The following ANXA4 variants were observed in gnomAD, a reference collection of about 807,000 sequenced individuals.
The protein encoded by ANXA4 is 35-beta calcimedin.
Under a neutral mutation model 49.8 loss-of-function variants are expected in ANXA4, and 39 were observed. The observed-to-expected ratio is 0.78, with a 90% CI of 0.61 to 1.02. The LOEUF is 1.02. Ranked by LOEUF, ANXA4 falls within the 50% of genes least tolerant of loss-of-function variation. The pLI is 0.00. For missense variants in ANXA4, 360 were observed against 410.1 expected, an observed-to-expected ratio of 0.88 and a Z score of 1.05; for synonymous variants, 134 against 152.5, an observed-to-expected ratio of 0.88 and a Z score of 0.89.
exon 3 of ANXA4, chr2:69,720,846 A>G (rs890974774): frequency 1.3e-5 from 2 of 152,214 alleles, no homozygotes; most frequent in Non-Finnish European, 2.9e-5. Context: ...GATATCTGGT[A>G]TGGCCAGAGT....
chr2:69,655,083 A>G (rs1359059334), intron 2 of ANXA4, among the ~76,000 whole-genome samples: 2 of 152,204 alleles, frequency 1.3e-5, no homozygotes, highest in East Asian at 3.8e-4. Flanking sequence ...CCTAGAAGAA[A>G]ACCTACGCAA....
chr2:69,782,743 T>G (rs963204365), intron 2 of ANXA4, among the ~76,000 whole-genome samples: 1 of 152,222 alleles, frequency 6.6e-6, no homozygotes, highest in Non-Finnish European at 1.5e-5. Flanking sequence ...TGAGATGCTC[T>G]TCCTGTCTTC....
chr2:69,804,694 G>C (rs1266510264), intron 4 of ANXA4, 67 bp downstream of exon 4: 34 of 1,339,964 alleles, frequency 2.5e-5, no homozygotes, highest in Non-Finnish European at 3.5e-5. Context: ...GCCTCTTCCT[G>C]ATCTAGGTTC....
chr2:69,714,868 G>A (rs191281781), intron 2 of ANXA4, among the ~76,000 whole-genome samples: 116 of 152,312 alleles, frequency 7.6e-4, no homozygotes, highest in Middle Eastern at 3.4e-3. Context: ...TTAACCTTGT[G>A]TCTTGTGGAT....
At chr2:69,691,173 G>A (rs1225623489) in intron 2 of ANXA4, among the ~76,000 whole-genome samples, 5 of 151,360 alleles carry the variant, frequency 3.3e-5, no homozygotes, top group Non-Finnish European at 5.9e-5. Context: ...ATCCAGGCTG[G>A]AGTGCAGTGG....
rs150187426 is a variant in ANXA4, at chr2:69,664,388, A to G, written n.766+11106A>G. 5.9e-3 allele frequency among the ~76,000 whole-genome samples: 903 copies of G among 152,272 alleles called. 5 individuals are homozygous for G. Among genetic ancestry groups the G allele is most frequent in the African/African-American group, 0.02 (842 of 41,554 alleles). On this transcript the variant is annotated intron_variant and non_coding_transcript_variant, in intron 2 of 3. Coordinates refer to the ANXA4 transcript ENST00000418066. ...AGCAAAATGAACAACTAAAAATTGA[A>G]TGGTGGGGAAGGGTAATAAGCTAAC...
At chr2:69,819,199 C>G in intron 10 of ANXA4, 81 bp from the exon 11 acceptor site, 1 of 1,026,750 alleles carries the variant, frequency 9.7e-7, no homozygotes, top group Non-Finnish European at 1.4e-6. Context: ...CTTGTAGAAA[C>G]AGAGGAAACA....
chr2:69,785,753 T>C (rs1672387307), intron 2 of ANXA4, among the ~76,000 whole-genome samples: 1 of 152,142 alleles, frequency 6.6e-6, no homozygotes, highest in South Asian at 2.1e-4. Context: ...CCCACTCCAG[T>C]GCTTATGCTC....
At chr2:69,696,190 A>T (rs1038033214) in intron 2 of ANXA4, among the ~76,000 whole-genome samples, 2 of 152,314 alleles carry the variant, frequency 1.3e-5, no homozygotes, top group Middle Eastern at 3.4e-3. Context: ...TCAAACCCTT[A>T]GTTGATGCTT....
intron 2 of ANXA4, among the ~76,000 whole-genome samples, chr2:69,680,253 C>G (rs1312326057): frequency 6.6e-6 from 1 of 152,068 alleles, no homozygotes; most frequent in Admixed American, 6.6e-5. Context: ...AGTCATTTCT[C>G]TTTTGTAGCT....
intron 3 of ANXA4, among the ~76,000 whole-genome samples, chr2:69,729,686 CAT>C (rs1212068433): frequency 3.3e-5 from 5 of 152,322 alleles, no homozygotes; most frequent in African/African-American, 1.2e-4. Flanking sequence ...GATATCACTT[CAT>C]AGTCATTATT....
At chr2:69,678,846 G>T (rs756296373) in intron 2 of ANXA4, among the ~76,000 whole-genome samples, 10 of 152,090 alleles carry the variant, frequency 6.6e-5, no homozygotes, top group Non-Finnish European at 1.5e-4. Flanking sequence ...TATACTGTTG[G>T]TGAAAAAGTT....
chr2:69,706,184 T>G (rs1678489930), intron 2 of ANXA4, among the ~76,000 whole-genome samples: 1 of 151,500 alleles, frequency 6.6e-6, no homozygotes, highest in Admixed American at 6.6e-5. Flanking sequence ...GTTTGTTTGT[T>G]AAATCAGGAA....
chr2:69,764,211 A>G (rs1365305439), intron 1 of ANXA4, among the ~76,000 whole-genome samples: 1 of 152,198 alleles, frequency 6.6e-6, no homozygotes, highest in Non-Finnish European at 1.5e-5. Context: ...CTGTGTGATC[A>G]ACCTGTTGGG....
At chr2:69,741,153 C>CAG (rs1223238551), upstream of ANXA4, among the ~76,000 whole-genome samples, 1 of 152,174 alleles carries the variant, frequency 6.6e-6, no homozygotes, top group Non-Finnish European at 1.5e-5. Flanking sequence ...TTTAAGGGTG[C>CAG]CATTAACCAC....
chr2:69,774,566 C>T (rs1351501160), intron 1 of ANXA4, among the ~76,000 whole-genome samples: 1 of 151,744 alleles, frequency 6.6e-6, no homozygotes, highest in Non-Finnish European at 1.5e-5. Context: ...TCTCAAACTC[C>T]TGACCTCAGG....
At chr2:69,751,303 C>T (rs1301128743) in intron 1 of ANXA4, among the ~76,000 whole-genome samples, 1 of 151,994 alleles carries the variant, frequency 6.6e-6, no homozygotes, top group Admixed American at 6.6e-5. Context: ...TGCCTGAGCT[C>T]AGGGGTTCGA....
intron 2 of ANXA4, among the ~76,000 whole-genome samples, chr2:69,656,258 CG>C (rs1676449743): frequency 1.8e-5 from 2 of 109,328 alleles, no homozygotes; most frequent in Non-Finnish European, 3.5e-5. Context: ...TATGTATATA[CG>C]TATATATATG....
At chr2:69,788,223 C>A in intron 3 of ANXA4, 82 bp downstream of exon 3, 2 of 1,275,384 alleles carry the variant, frequency 1.6e-6, no homozygotes, top group Non-Finnish European at 2.3e-6. Context: ...GTCTGCTGGC[C>A]ATCACGTGGG....
Sources: gnomAD v4.1 joint callset for allele counts (sites outside exome capture counted in the v4.1 genomes callset) on GRCh38, gnomAD v4.1.1 for gene constraint, MANE v1.5 for transcripts, NCBI Gene and HGNC (gene_info 2026-07-23, HGNC 2026-07-21) for gene names.